Variants in GLRA2 observed in about 807,000 individuals in gnomAD.
GLRA2 encodes glycine receptor subunit alpha-2.
In GLRA2, 11 loss-of-function variants were observed where a neutral mutation model predicts 31.6. The ratio of observed to expected loss-of-function variants is 0.35; its 90% confidence interval spans 0.22 to 0.58. GLRA2 has a LOEUF of 0.58. Ranked by LOEUF, GLRA2 falls within the 20% of genes least tolerant of loss-of-function variation. The pLI is 0.84. For synonymous variants in GLRA2, 132 were observed against 134.0 expected (o/e 0.99, Z 0.10); for missense variants, 212 against 351.8 (o/e 0.60, Z 3.18).
At chrX:14,578,333 C>T (rs2089979323) in intron 3 of GLRA2, among the ~76,000 whole-genome samples, 1 of 112,489 alleles carries the variant, frequency 8.9e-6, no homozygotes, top group Non-Finnish European at 1.9e-5. Flanking sequence ...GGCCTGCTTA[C>T]AGACCCAATA....
chrX:14,579,281 C>T lies in GLRA2; in HGVS notation c.271-1902C>T, dbSNP rs180993219. ...ACTTATCAGGGATAGCAGGTAGCTA[C>T]ATTTCTTATTTTTGACTTCTTAAGG... On this transcript the variant is annotated intron_variant, in intron 3 of 8. Coordinates refer to ENST00000218075, the MANE Select transcript of GLRA2 (RefSeq NM_002063.4). Among the ~76,000 whole-genome samples the T allele has an allele frequency of 2.3e-3, 253 of 110,951 alleles. 1 individual carries two copies. The highest frequency in any genetic ancestry group is 7.7e-3 in the African/African-American group (237 of 30,629).
the GLRA2 span, among the ~76,000 whole-genome samples, chrX:14,487,044 G>A: frequency 9.1e-6 from 1 of 110,266 alleles, no homozygotes; most frequent in Non-Finnish European, 1.9e-5. Flanking sequence ...CTTAAGCTGA[G>A]TTGGGGGGTA....
chrX:14,628,250 T>A (rs1434318123), intron 7 of GLRA2, among the ~76,000 whole-genome samples: 1 of 111,736 alleles, frequency 8.9e-6, no homozygotes, highest in Non-Finnish European at 1.9e-5. Context: ...AAGACATACT[T>A]TTTCACCTTT....
chrX:14,452,885 G>A, the GLRA2 span, among the ~76,000 whole-genome samples: 5 of 111,738 alleles, frequency 4.5e-5, no homozygotes, highest in African/African-American at 1.6e-4. Context: ...GGTTTTCCTC[G>A]CCTTTCTCAT....
chrX:14,510,757 CATTTT>C, the GLRA2 span, among the ~76,000 whole-genome samples: 1 of 111,260 alleles, frequency 9.0e-6, no homozygotes, highest in African/African-American at 3.3e-5. Flanking sequence ...ATTATGGCAT[CATTTT>C]ATTTTAATAC....
At chrX:14,476,565 T>A in the GLRA2 span, among the ~76,000 whole-genome samples, 1 of 111,946 alleles carries the variant, frequency 8.9e-6, no homozygotes, top group African/African-American at 3.3e-5. Flanking sequence ...CCCTCACAGA[T>A]GTCATTCTGA....
At chrX:14,713,758 T>C (rs1051858769) in intron 8 of GLRA2, among the ~76,000 whole-genome samples, 2 of 111,456 alleles carry the variant, frequency 1.8e-5, no homozygotes, top group African/African-American at 6.5e-5. Flanking sequence ...AAATGTTTGC[T>C]GACTCCTGGG....
chrX:14,488,106 T>C, the GLRA2 span, among the ~76,000 whole-genome samples: 12 of 111,589 alleles, frequency 1.1e-4, no homozygotes, highest in Admixed American at 4.8e-4. Flanking sequence ...ATCTCTTGAG[T>C]CTAAGCCATG....
intron 8 of GLRA2, among the ~76,000 whole-genome samples, chrX:14,723,588 G>A (rs566480710): frequency 1.8e-5 from 2 of 111,675 alleles, no homozygotes; most frequent in South Asian, 7.5e-4. Flanking sequence ...ATCAGACACT[G>A]GTTTACAGGG....
At chrX:14,612,931 C>T (rs1394665858) in intron 7 of GLRA2, among the ~76,000 whole-genome samples, 1 of 109,646 alleles carries the variant, frequency 9.1e-6, no homozygotes, top group Non-Finnish European at 1.9e-5. Flanking sequence ...CTATGTAACA[C>T]AACTGCATGT....
intron 4 of GLRA2, among the ~76,000 whole-genome samples, chrX:14,595,201 T>C (rs1486806390): frequency 8.9e-6 from 1 of 111,810 alleles, no homozygotes; most frequent in Non-Finnish European, 1.9e-5. Flanking sequence ...TCAATTTATT[T>C]ACACAAAGAA....
At chrX:14,718,366 T>G (rs939049592) in intron 8 of GLRA2, among the ~76,000 whole-genome samples, 2 of 112,262 alleles carry the variant, frequency 1.8e-5, no homozygotes, top group Non-Finnish European at 3.8e-5. Context: ...TTATCTTACT[T>G]TATGGCAGGA....
chrX:14,593,525 A>C (rs1251638351), intron 4 of GLRA2, among the ~76,000 whole-genome samples: 4 of 112,506 alleles, frequency 3.6e-5, no homozygotes, highest in Non-Finnish European at 7.5e-5. Flanking sequence ...AAGGATAGAA[A>C]GCAAAAAGTA....
chrX:14,557,305 T>C (rs897466926), intron 2 of GLRA2, among the ~76,000 whole-genome samples: 7 of 108,638 alleles, frequency 6.4e-5, no homozygotes, highest in Non-Finnish European at 9.6e-5. Context: ...TTAGTAGAGA[T>C]GGGGTTTCAC....
At chrX:14,512,868 C>A in the GLRA2 span, among the ~76,000 whole-genome samples, 3 of 111,112 alleles carry the variant, frequency 2.7e-5, no homozygotes, top group Non-Finnish European at 5.7e-5. Flanking sequence ...CAATGCAATT[C>A]CCATAAAAAT....
chrX:14,690,653 C>T (rs773671725), intron 7 of GLRA2, 57 bp from the exon 8 acceptor site: 40 of 868,953 alleles, frequency 4.6e-5, no homozygotes, highest in Admixed American at 1.9e-4. Flanking sequence ...CTTTCATAGT[C>T]TTTCTTTCTC....
chrX:14,681,847 G>A (rs751878901), intron 7 of GLRA2, among the ~76,000 whole-genome samples: 2 of 87,742 alleles, frequency 2.3e-5, no homozygotes, highest in African/African-American at 4.3e-5. Flanking sequence ...AGCCGAGATC[G>A]CGCCACTGCA....
the GLRA2 span, among the ~76,000 whole-genome samples, chrX:14,459,896 G>A: frequency 4.5e-5 from 5 of 111,869 alleles, no homozygotes; most frequent in Admixed American, 3.8e-4. Context: ...TAGCAAGAAC[G>A]TCCAATACTG....
At chrX:14,635,872 G>A (rs766371836) in intron 7 of GLRA2, among the ~76,000 whole-genome samples, 1 of 111,027 alleles carries the variant, frequency 9.0e-6, no homozygotes, top group East Asian at 2.9e-4. Context: ...AAACATTGCA[G>A]TTTGAATTGA....
Sources: allele counts gnomAD v4.1 joint callset (sites outside exome capture counted in the v4.1 genomes callset), GRCh38; gene constraint gnomAD v4.1.1; transcripts MANE v1.5; gene names NCBI Gene and HGNC (gene_info 2026-07-23, HGNC 2026-07-21).